RANBP2: variants seen among roughly 807,000 people sequenced by gnomAD.
RANBP2 encodes E3 SUMO-protein ligase RanBP2.
Under a neutral mutation model 303.6 loss-of-function variants are expected in RANBP2, and 57 were observed. That is an observed-to-expected ratio of 0.19 (90% CI 0.15 to 0.23). RANBP2 has a LOEUF of 0.23. Ranked by LOEUF, RANBP2 falls within the 10% of genes least tolerant of loss-of-function variation. The probability of loss-of-function intolerance (pLI) is 1.00; values close to 1 mark genes in which losing one functional copy is unlikely to be tolerated. For missense variants in RANBP2, 3,138 were observed against 3,780.8 expected, an observed-to-expected ratio of 0.83 and a Z score of 4.46; for synonymous variants, 1,167 against 1,301.5, an observed-to-expected ratio of 0.90 and a Z score of 2.23.
At chr2:109,288,849 T>C in the RANBP2 span, among the ~76,000 whole-genome samples, 10 of 152,164 alleles carry the variant, frequency 6.6e-5, no homozygotes, top group African/African-American at 2.4e-4. Context: ...TTTATGCCCA[T>C]GTGGTAGAAA....
At chr2:109,148,056 G>A in the RANBP2 span, among the ~76,000 whole-genome samples, 128 of 152,298 alleles carry the variant, frequency 8.4e-4, 1 homozygote, top group African/African-American at 2.9e-3. Flanking sequence ...TGGTGACTGT[G>A]GAATTCGAGT....
the RANBP2 span, among the ~76,000 whole-genome samples, chr2:109,633,990 G>A: frequency 6.6e-6 from 1 of 151,204 alleles, no homozygotes; most frequent in African/African-American, 2.4e-5. Flanking sequence ...TGTGGTGGCG[G>A]GCACCTGTAG....
At chr2:109,157,208 C>T in the RANBP2 span, among the ~76,000 whole-genome samples, 3 of 152,098 alleles carry the variant, frequency 2.0e-5, no homozygotes, top group Non-Finnish European at 2.9e-5. Flanking sequence ...GGATATTCAC[C>T]GTCTCTTCTA....
the RANBP2 span, among the ~76,000 whole-genome samples, chr2:109,679,152 A>G: frequency 2.6e-5 from 4 of 152,192 alleles, no homozygotes; most frequent in African/African-American, 7.2e-5. Context: ...AAACAGCAAA[A>G]TCACCACCCA....
chr2:109,521,980 G>A, the RANBP2 span, among the ~76,000 whole-genome samples: 1 of 152,128 alleles, frequency 6.6e-6, no homozygotes, highest in African/African-American at 2.4e-5. Context: ...CCCACCCGAG[G>A]GTCCAGGACA....
At chr2:109,274,152 C>A in the RANBP2 span, among the ~76,000 whole-genome samples, 1 of 152,188 alleles carries the variant, frequency 6.6e-6, no homozygotes, top group Admixed American at 6.5e-5. Context: ...TGGAAATCTT[C>A]TAGGATCTGG....
chr2:109,289,531 GTAAGGA>G, the RANBP2 span, among the ~76,000 whole-genome samples: 1 of 152,176 alleles, frequency 6.6e-6, no homozygotes, highest in Non-Finnish European at 1.5e-5. Flanking sequence ...GGAAATCTGT[GTAAGGA>G]TCTTAGCAAT....
chr2:109,546,059 T>C, the RANBP2 span: 1 of 1,586,726 alleles, frequency 6.3e-7, no homozygotes, highest in South Asian at 1.1e-5. Context: ...CTTCTTACGG[T>C]CCTTGTCCTT....
At chr2:109,556,111 G>A in the RANBP2 span, among the ~76,000 whole-genome samples, 5 of 152,162 alleles carry the variant, frequency 3.3e-5, no homozygotes, top group South Asian at 2.1e-4. Flanking sequence ...CTGGGAAGAG[G>A]AGGAAGATTT....
At chr2:109,607,490 A>C in the RANBP2 span, among the ~76,000 whole-genome samples, 1 of 152,172 alleles carries the variant, frequency 6.6e-6, no homozygotes, top group African/African-American at 2.4e-5. Context: ...GGACAAAAAT[A>C]AATAAATAAA....
chr2:109,576,862 A>G, the RANBP2 span, among the ~76,000 whole-genome samples: 17 of 152,218 alleles, frequency 1.1e-4, 1 homozygote, highest in Admixed American at 1.1e-3. Context: ...GATCTAACAT[A>G]TATTTCATCA....
chr2:109,494,312 A>G, the RANBP2 span, among the ~76,000 whole-genome samples: 1 of 152,276 alleles, frequency 6.6e-6, no homozygotes, highest in Admixed American at 6.5e-5. Context: ...CTTGCACCCA[A>G]GCACTCTGTA....
At chr2:108,845,087 A>G in the RANBP2 span, among the ~76,000 whole-genome samples, 1 of 152,048 alleles carries the variant, frequency 6.6e-6, no homozygotes, top group African/African-American at 2.4e-5. Flanking sequence ...ATAAAAGTGT[A>G]GTAGTAAAGC....
At chr2:109,182,174 A>G in the RANBP2 span, among the ~76,000 whole-genome samples, 2 of 152,192 alleles carry the variant, frequency 1.3e-5, no homozygotes, top group African/African-American at 2.4e-5. Context: ...TAACTTATAA[A>G]CAATAGAAGT....
chr2:108,837,098 A>G, the RANBP2 span, among the ~76,000 whole-genome samples: 4 of 152,220 alleles, frequency 2.6e-5, no homozygotes, highest in South Asian at 8.3e-4. Flanking sequence ...AGAAGTGGTG[A>G]GGGTGTGCTT....
the RANBP2 span, among the ~76,000 whole-genome samples, chr2:108,814,257 C>T: frequency 6.6e-6 from 1 of 152,220 alleles, no homozygotes; most frequent in South Asian, 2.1e-4. Context: ...TTGGTTGCTC[C>T]ACAACCTTGT....
the RANBP2 span, among the ~76,000 whole-genome samples, chr2:109,698,599 C>G: frequency 6.6e-6 from 1 of 151,856 alleles, no homozygotes; most frequent in Non-Finnish European, 1.5e-5. Flanking sequence ...ATGCTCATTC[C>G]ATCATCTCTG....
At chr2:109,388,815 C>T in the RANBP2 span, among the ~76,000 whole-genome samples, 1 of 145,714 alleles carries the variant, frequency 6.9e-6, no homozygotes, top group African/African-American at 2.6e-5. Context: ...TAGGGTTGCT[C>T]TGGGATGTCA....
chr2:109,474,585 G>T, the RANBP2 span, among the ~76,000 whole-genome samples: 162 of 152,326 alleles, frequency 1.1e-3, 1 homozygote, highest in East Asian at 0.019. Context: ...CAGTGTCCCT[G>T]CTTCAGACTT....
Sources: allele counts gnomAD v4.1 joint callset (sites outside exome capture counted in the v4.1 genomes callset), GRCh38; gene constraint gnomAD v4.1.1; transcripts MANE v1.5; gene names NCBI Gene and HGNC (gene_info 2026-07-23, HGNC 2026-07-21).